Variants in HIP1 observed in about 807,000 individuals in gnomAD.
HIP1 encodes the protein huntingtin-interacting protein 1.
A neutral mutation model predicts 147.6 loss-of-function variants in HIP1; 65 were observed. The observed-to-expected ratio is 0.44, with a 90% CI of 0.36 to 0.54. The LOEUF is 0.54. HIP1 is among the 20% of genes least tolerant of loss of function. HIP1 has a pLI of 0.00. For synonymous variants in HIP1, 479 were observed against 504.0 expected, an observed-to-expected ratio of 0.95 and a Z score of 0.67; for missense variants, 1,061 against 1,299.6, an observed-to-expected ratio of 0.82 and a Z score of 2.82.
At chr7:75,709,113 T>TC (rs1272776500) in intron 1 of HIP1, among the ~76,000 whole-genome samples, 1 of 150,356 alleles carries the variant, frequency 6.7e-6, no homozygotes, top group African/African-American at 2.4e-5. Flanking sequence ...TCTTTTCTTT[T>TC]TTTTTTTTTT....
At chr7:75,589,367 A>G (rs1796400184) in intron 4 of HIP1, among the ~76,000 whole-genome samples, 1 of 151,918 alleles carries the variant, frequency 6.6e-6, no homozygotes, top group South Asian at 2.1e-4. Flanking sequence ...GTAGGATGAG[A>G]AAGTCTGACA....
chr7:75,556,235 G>A (rs1355714558), intron 17 of HIP1, 66 bp from the exon 18 acceptor site: 4 of 1,562,538 alleles, frequency 2.6e-6, no homozygotes, highest in Non-Finnish European at 3.5e-6. Flanking sequence ...ACTTCCCAGA[G>A]GTCCAACCCA....
At chr7:75,717,270 C>G (rs1415836302) in intron 1 of HIP1, among the ~76,000 whole-genome samples, 1 of 152,032 alleles carries the variant, frequency 6.6e-6, no homozygotes, top group Admixed American at 6.6e-5. Context: ...TACACAAAAA[C>G]CCAACCAAAC....
intron 1 of HIP1, among the ~76,000 whole-genome samples, chr7:75,633,201 T>C (rs587683184): frequency 1.3e-5 from 2 of 152,332 alleles, no homozygotes; most frequent in East Asian, 3.9e-4. Flanking sequence ...CTTACTCATG[T>C]GCATGCATAA....
Position 75,567,817 on chromosome 7 carries a change from AT to A in HIP1, c.803+381del, listed in dbSNP as rs1318684435. ...TCACGCCCACAAGTATTTAAAAAAAATTTTTTTTTAGAGACAGGGTCTCACT... is the reference window on the plus strand; with the variant it reads ...TCACGCCCACAAGTATTTAAAAAAAATTTTTTTTAGAGACAGGGTCTCACT... On this transcript the variant is annotated intron_variant, in intron 9 of 30. Coordinates refer to ENST00000336926, the MANE Select transcript of HIP1 (RefSeq NM_005338.7). Among the ~76,000 whole-genome samples the A allele has an allele frequency of 8.6e-5, 13 of 151,624 alleles. No individual in the cohort carries two copies. In the South Asian group the frequency reaches 1.2e-3, roughly 15 times the overall value.
At chr7:75,674,500 T>TTTTTTTGGTTTTTTTTTTG (rs1799827409) in intron 1 of HIP1, among the ~76,000 whole-genome samples, 1 of 114,314 alleles carries the variant, frequency 8.7e-6, no homozygotes, top group African/African-American at 3.4e-5. Flanking sequence ...CGGCTTTTTG[T>TTTTTTTGGTTTTTTTTTTG]TTTTTTTTTT....
In HIP1 at chr7:75,556,710, C is replaced by T. The variant is rs370125855; in HGVS notation, c.1683G>A (p.Gln561=). The T allele has an allele frequency of 2.5e-6, 4 of 1,599,716 alleles. No homozygotes were observed. Among genetic ancestry groups the T allele is most frequent in the Admixed American group, 1.7e-5 (1 of 59,524 alleles). The part of the protein sequence containing the change: ...VLQGSLETSA[Q]SEANWAAEFA... ...CCAAAAAAAAAAAGGAGGTATTTAC[C>T]TGGGCAGAAGTTTCCAGGCTGCCTT... The change falls in exon 17 of 31, where the codon CAG becomes CAA. Residue 561 remains glutamine, a splice_region_variant and synonymous_variant. Transcript: ENST00000336926.
At chr7:75,646,306 C>T (rs1449928992) in intron 1 of HIP1, among the ~76,000 whole-genome samples, 1 of 152,168 alleles carries the variant, frequency 6.6e-6, no homozygotes, top group Non-Finnish European at 1.5e-5. Flanking sequence ...AGGCTGGCGT[C>T]GAACTCCTGA....
At chr7:75,637,128 C>A (rs1165645484) in intron 1 of HIP1, among the ~76,000 whole-genome samples, 1 of 152,206 alleles carries the variant, frequency 6.6e-6, no homozygotes, top group Non-Finnish European at 1.5e-5. Flanking sequence ...GTTGAGTCGG[C>A]CTGTATCTCT....
chr7:75,735,294 G>A (rs1349843456), intron 1 of HIP1, among the ~76,000 whole-genome samples: 1 of 152,178 alleles, frequency 6.6e-6, no homozygotes, highest in African/African-American at 2.4e-5. Flanking sequence ...GTGGGTAAAG[G>A]TTGAGACCGT....
chr7:75,728,581 T>A (rs1364113941), intron 1 of HIP1, among the ~76,000 whole-genome samples: 3 of 152,106 alleles, frequency 2.0e-5, no homozygotes, highest in Non-Finnish European at 4.4e-5. Flanking sequence ...CAGAAAACAG[T>A]CTTCATCAGT....
intron 1 of HIP1, among the ~76,000 whole-genome samples, chr7:75,658,483 A>G (rs1799209083): frequency 1.3e-5 from 2 of 152,118 alleles, no homozygotes; most frequent in African/African-American, 2.4e-5. Context: ...GAGCTGCCAG[A>G]ATTGAGAAAA....
chr7:75,706,709 G>A (rs1447170222), intron 1 of HIP1, among the ~76,000 whole-genome samples: 3 of 111,072 alleles, frequency 2.7e-5, no homozygotes, highest in African/African-American at 1.1e-4. Context: ...GTATACATGT[G>A]CCATGCTGGT....
intron 1 of HIP1, among the ~76,000 whole-genome samples, chr7:75,641,491 TG>T (rs1554510491): frequency 8.9e-6 from 1 of 112,038 alleles, no homozygotes; most frequent in Non-Finnish European, 1.9e-5. Context: ...GCTCCTTGTT[TG>T]CTTTTTTTTT....
chr7:75,643,488 AT>A (rs1182304234), intron 1 of HIP1, among the ~76,000 whole-genome samples: 1 of 152,088 alleles, frequency 6.6e-6, no homozygotes, highest in Non-Finnish European at 1.5e-5. Context: ...AATTAAAAGA[AT>A]TTTTTTAAGT....
intron 1 of HIP1, among the ~76,000 whole-genome samples, chr7:75,643,613 G>C (rs570398151): frequency 2.4e-4 from 36 of 152,304 alleles, no homozygotes; most frequent in Non-Finnish European, 4.0e-4. Flanking sequence ...TTAGTCCAAA[G>C]GTTCTGTAAC....
At chr7:75,539,468 T>G (rs3757602) in intron 29 of HIP1, 37 bp from the exon 30 acceptor site, 1,214,114 of 1,469,606 alleles carry the variant, frequency 0.83, 506,633 homozygotes, top group Middle Eastern at 0.89. Flanking sequence ...CTCTTAATCA[T>G]CTCTCAGAGA....
chr7:75,610,248 A>C (rs1584876485), intron 1 of HIP1, among the ~76,000 whole-genome samples: 1 of 137,844 alleles, frequency 7.3e-6, no homozygotes, highest in Non-Finnish European at 1.5e-5. Context: ...CTGTTCTGTC[A>C]CCCAGGCTGG....
At chr7:75,562,772 G>A (rs1230775422) in intron 11 of HIP1, among the ~76,000 whole-genome samples, 163 bp downstream of exon 11, 1 of 152,170 alleles carries the variant, frequency 6.6e-6, no homozygotes, top group East Asian at 1.9e-4. Context: ...GACCCTTCTG[G>A]GAGCCACAGA....
Sources: gnomAD v4.1 joint callset for allele counts (sites outside exome capture counted in the v4.1 genomes callset) on GRCh38, gnomAD v4.1.1 for gene constraint, MANE v1.5 for transcripts, NCBI Gene and HGNC (gene_info 2026-07-23, HGNC 2026-07-21) for gene names.